The following DYNC2H1 variants were observed in gnomAD, a reference collection of about 807,000 sequenced individuals.
The protein encoded by DYNC2H1 is dynein cytoplasmic 2 heavy chain 1.
DYNC2H1 carries 410 observed loss-of-function variants against 570.0 expected under a neutral mutation model. The observed-to-expected ratio is 0.72, with a 90% CI of 0.66 to 0.78. The LOEUF is 0.78. Ranked by LOEUF, DYNC2H1 falls within the 30% of genes least tolerant of loss-of-function variation. The probability of loss-of-function intolerance (pLI) is 0.00; values close to 1 mark genes in which losing one functional copy is unlikely to be tolerated. For synonymous variants in DYNC2H1, 1,688 were observed against 1,677.6 expected (o/e 1.01, Z -0.15); for missense variants, 4,865 against 5,046.4 (o/e 0.96, Z 1.09).
chr11:103,243,297 A>G lies in DYNC2H1; in HGVS notation c.9820-396A>G, dbSNP rs574840524. 1.3e-5 allele frequency among the ~76,000 whole-genome samples: 1 copy of G among 79,832 alleles called. No homozygotes were observed. Among genetic ancestry groups the G allele is most frequent in the East Asian group, 3.6e-4 (1 of 2,768 alleles). The allele number at this position is 79,832 out of a possible 152,430, so 52.4% of individuals were successfully genotyped here. A position where few individuals can be genotyped will look rare whatever the true frequency, so the allele number is the denominator to read the frequency against. On this transcript the variant is annotated intron_variant, in intron 63 of 88. Transcript: ENST00000375735. The surrounding 1 kb of genome is among the most constrained non-coding windows in gnomAD (Gnocchi z 4.8). ...GATAGATAGATAGATAGATAGATAG[A>G]TAGATAGATAAATAGAGAATAATTT... is the stretch of plus-strand genomic sequence containing the variant.
At chr11:103,388,470 C>G (rs1033842520) in intron 83 of DYNC2H1, among the ~76,000 whole-genome samples, 1 of 152,222 alleles carries the variant, frequency 6.6e-6, no homozygotes, top group Non-Finnish European at 1.5e-5. Flanking sequence ...TTGACTTCCT[C>G]TTTTCCTAAT....
chr11:103,337,789 T>G (rs924997984), intron 82 of DYNC2H1, among the ~76,000 whole-genome samples: 1 of 152,226 alleles, frequency 6.6e-6, no homozygotes, highest in Non-Finnish European at 1.5e-5. Flanking sequence ...ATTAATCTCT[T>G]GTCAGTTGAA....
At position 103,163,116 on chromosome 11, in the gene DYNC2H1, G is replaced by A. The variant is rs1194235447; in HGVS notation, c.4580G>A (p.Gly1527Asp). Residue 1527 changes from glycine (G) to aspartate (D), a missense_variant, in exon 30 of 89, where the codon GGT (glycine) becomes GAT (aspartate). Physicochemically the swap from Gly to Asp is moderately conservative, Grantham distance 94. Transcript: ENST00000375735. The surrounding 1 kb of genome is among the most constrained non-coding windows in gnomAD (Gnocchi z 4.6). The part of the protein sequence containing the change: ...ECVTTGRSSQ[G>D]AVDPSLFPSQ... ...GTTACTACTGGGCGAAGTTCTCAAG[G>A]TGCAGTTGACCCATCTCTGTTCCCT... 4 of 1,612,878 alleles carry A rather than the reference G, an allele frequency of 2.5e-6. No homozygotes were observed. The highest frequency in any genetic ancestry group is 3.4e-6 in the Non-Finnish European group (4 of 1,179,100).
chr11:103,478,315 G>T (rs1348904088), intron 88 of DYNC2H1, among the ~76,000 whole-genome samples: 1 of 152,122 alleles, frequency 6.6e-6, no homozygotes, highest in African/African-American at 2.4e-5. Context: ...ATAAGTGGAA[G>T]TTTCTCTTTA....
Position 103,256,135 on chromosome 11 carries a change from G to A in DYNC2H1, c.10356G>A (p.Leu3452=). 1 of 1,606,560 alleles carries A rather than the reference G, an allele frequency of 6.2e-7. No homozygotes were observed. The highest frequency in any genetic ancestry group is 8.5e-7 in the Non-Finnish European group (1 of 1,175,864). Residue 3452 remains leucine (L), a synonymous_variant, in exon 68 of 89, where the codon TTG becomes TTA. Transcript: ENST00000375735. The surrounding 1 kb of genome is among the most constrained non-coding windows in gnomAD (Gnocchi z 4.0). ...ETLATSQGNI[L]ENKDLIESLN... ...TTGCCACATCTCAAGGCAATATTTT[G>A]GAAAATAAGGATTTGATTGAGTCTT...
rs1381765569 is a variant in DYNC2H1, at chr11:103,280,021, G to A, written c.10696-327G>A. On this transcript the variant is annotated intron_variant, in intron 70 of 88. Coordinates refer to ENST00000375735, the MANE Select transcript of DYNC2H1 (RefSeq NM_001377.3). This position sits in a 1 kb window ranked among gnomAD's most constrained non-coding sequence, Gnocchi z 4.7. The stretch of plus-strand genomic sequence containing the variant: ...ATTGCTAATGCATGGAGTGGATTTG[G>A]TGGATGATGACTAATCAAATTTCAC... Among the ~76,000 whole-genome samples, 1 of 152,116 alleles carries A rather than the reference G, an allele frequency of 6.6e-6. No individual in the cohort carries two copies. Among genetic ancestry groups the A allele is most frequent in the African/African-American group, 2.4e-5 (1 of 41,420 alleles).
chr11:103,476,933 A>C (rs1945570756), intron 88 of DYNC2H1, among the ~76,000 whole-genome samples: 1 of 152,210 alleles, frequency 6.6e-6, no homozygotes. Context: ...TTTCTAGTCG[A>C]TTTGAGAATT....
intron 43 of DYNC2H1, among the ~76,000 whole-genome samples, chr11:103,187,878 A>G (rs1862138789): frequency 1.3e-5 from 2 of 152,228 alleles, no homozygotes; most frequent in East Asian, 1.9e-4. Context: ...AAAGCTGGAC[A>G]TGGTGGTGGA....
intron 17 of DYNC2H1, among the ~76,000 whole-genome samples, chr11:103,139,366 C>T (rs1362064074): frequency 2.0e-5 from 3 of 151,212 alleles, no homozygotes; most frequent in Non-Finnish European, 4.4e-5. Flanking sequence ...TATAAATTTC[C>T]CTGTACACAC....
At position 103,125,181 on chromosome 11, in the gene DYNC2H1, T is replaced by A; in HGVS notation, c.1743T>A (p.Ile581=). Reference sequence around the variant, plus strand: ...TGCATTATTCAGATCGTTTGGTGATTCTTCTGAGAGAAGTTCGTCAGCTCT... The same window carrying A: ...TGCATTATTCAGATCGTTTGGTGATACTTCTGAGAGAAGTTCGTCAGCTCT... ...LKVHYSDRLV[I]LLREVRQLSA... is the part of the protein sequence containing the mutation. Residue 581 remains isoleucine, a synonymous_variant, in exon 12 of 89, where the codon ATT becomes ATA. Coordinates refer to ENST00000375735, the MANE Select transcript of DYNC2H1 (RefSeq NM_001377.3). 1 of 1,613,748 alleles carries A rather than the reference T, an allele frequency of 6.2e-7. No homozygotes were observed. The highest frequency in any genetic ancestry group is 8.5e-7 in the Non-Finnish European group (1 of 1,179,772).
chr11:103,189,659 C>A lies in DYNC2H1; in HGVS notation c.7293-13C>A, dbSNP rs372796223. 3.1e-6 allele frequency: 5 copies of A among 1,609,570 alleles called. No homozygotes were observed. Among genetic ancestry groups the A allele is most frequent in the South Asian group, 1.1e-5 (1 of 90,542 alleles). ...TTTATTTCAGCTTTCTTCTTATATG[C>A]CATTTTTTTTAGTTACCCAGAAAGA... On this transcript the variant is annotated splice_polypyrimidine_tract_variant and intron_variant, in intron 44 of 88. Coordinates refer to ENST00000375735, the MANE Select transcript of DYNC2H1 (RefSeq NM_001377.3). The surrounding 1 kb of genome is among the most constrained non-coding windows in gnomAD (Gnocchi z 4.3).
At chr11:103,452,364 T>C (rs1384075) in intron 85 of DYNC2H1, among the ~76,000 whole-genome samples, 37,224 of 151,614 alleles carry the variant, frequency 0.25, 4,742 homozygotes, top group Admixed American at 0.33. Flanking sequence ...GATCTCATGC[T>C]TTTGGCCCTT....
At chr11:103,438,865 T>A (rs536406554) in intron 85 of DYNC2H1, among the ~76,000 whole-genome samples, 21 of 152,252 alleles carry the variant, frequency 1.4e-4, no homozygotes, top group South Asian at 4.1e-4. Flanking sequence ...AAATGTAAGC[T>A]GGGCACAGTG....
Position 103,204,488 on chromosome 11 carries a change from A to C in DYNC2H1, c.8312-334A>C, listed in dbSNP as rs1383400155. Among the ~76,000 whole-genome samples, 4 of 152,166 alleles carry C rather than the reference A, an allele frequency of 2.6e-5. No individual in the cohort carries two copies. The highest frequency in any genetic ancestry group is 9.7e-5 in the African/African-American group (4 of 41,446). On this transcript the variant is annotated intron_variant, in intron 51 of 88. Transcript: ENST00000375735. This position sits in a 1 kb window ranked among gnomAD's most constrained non-coding sequence, Gnocchi z 4.1. Reference sequence around the variant, plus strand: ...TGTGCCAGACTTCATAGTTTTAAAAAACTAGCCTTTTATTCTTATAGAAAC... The same window carrying C: ...TGTGCCAGACTTCATAGTTTTAAAACACTAGCCTTTTATTCTTATAGAAAC...
intron 65 of DYNC2H1, among the ~76,000 whole-genome samples, chr11:103,248,503 A>G (rs1188988856): frequency 6.6e-6 from 1 of 152,110 alleles, no homozygotes; most frequent in East Asian, 1.9e-4. Context: ...CCCAGTCTGC[A>G]TACTAAGTAT....
chr11:103,248,561 G>A (rs962527289), intron 65 of DYNC2H1, among the ~76,000 whole-genome samples: 1 of 151,968 alleles, frequency 6.6e-6, no homozygotes, highest in Admixed American at 6.6e-5. Flanking sequence ...AGGTACTATG[G>A]AATCTATGGT....
chr11:103,184,804 G>C (rs895622357), intron 40 of DYNC2H1, 92 bp from the exon 41 acceptor site: 6 of 1,338,700 alleles, frequency 4.5e-6, no homozygotes, highest in Non-Finnish European at 6.0e-6. Context: ...AATGGTTCTT[G>C]AAAAGGTATG....
Position 103,120,734 on chromosome 11 carries a change from C to A in DYNC2H1, c.1180C>A (p.Pro394Thr). The stretch of plus-strand genomic sequence containing the variant: ...GTCTCAATATGAAAAGATTATTGCA[C>A]CTGCGGAACAAAAAATAGCAGGAAA... Reference protein sequence around the residue: ...AVSQYEKIIAPAEQKIAGKLK... With the variant: ...AVSQYEKIIATAEQKIAGKLK... Residue 394 changes from proline (P) to threonine (T), a missense_variant, in exon 8 of 89, where the codon CCT becomes ACT. Physicochemically the swap from Pro to Thr is conservative, Grantham distance 38. This residue lies in a region of DYNC2H1 where 1,936 missense variants were observed against 1,962.1 expected (regional missense o/e 0.99). Transcript: ENST00000375735. 6.2e-7 allele frequency: 1 copy of A among 1,606,810 alleles called. No homozygotes were observed. Among genetic ancestry groups the A allele is most frequent in the South Asian group, 1.1e-5 (1 of 90,354 alleles).
intron 79 of DYNC2H1, among the ~76,000 whole-genome samples, chr11:103,315,626 C>G (rs940592777): frequency 1.3e-5 from 2 of 152,018 alleles, no homozygotes; most frequent in African/African-American, 4.8e-5. Context: ...TATGTCACCC[C>G]TCTCCCCATT....
Sources: allele counts gnomAD v4.1 joint callset (sites outside exome capture counted in the v4.1 genomes callset), GRCh38; gene constraint gnomAD v4.1.1; regional missense constraint gnomAD v4.1.1; non-coding constraint Gnocchi (gnomAD v3.1); transcripts MANE v1.5; gene names NCBI Gene and HGNC (gene_info 2026-07-23, HGNC 2026-07-21).